Variants in SH3BGRL observed in about 807,000 individuals in gnomAD.
The protein encoded by SH3BGRL is adapter SH3BGRL.
SH3BGRL carries 7 observed loss-of-function variants against 9.8 expected under a neutral mutation model. That is an observed-to-expected ratio of 0.72 (90% CI 0.41 to 1.35). The LOEUF (loss-of-function observed/expected upper bound fraction) is 1.35, where lower values mean the gene tolerates loss of function less well. Among genes scored for constraint, SH3BGRL ranks in the 40% most tolerant of loss-of-function variants. The probability of loss-of-function intolerance (pLI) is 0.01; values close to 1 mark genes in which losing one functional copy is unlikely to be tolerated. For synonymous variants in SH3BGRL, 36 were observed against 29.1 expected (o/e 1.24, Z -0.76); for missense variants, 73 against 84.4 (o/e 0.86, Z 0.53).
intron 1 of SH3BGRL, among the ~76,000 whole-genome samples, chrX:81,253,291 T>C (rs746057430): frequency 1.6e-4 from 18 of 112,511 alleles, no homozygotes; most frequent in African/African-American, 5.5e-4. Flanking sequence ...TGTATTATCA[T>C]CCCTGGAGAT....
At chrX:81,207,548 T>G (rs2075551156) in intron 1 of SH3BGRL, among the ~76,000 whole-genome samples, 2 of 112,326 alleles carry the variant, frequency 1.8e-5, no homozygotes, top group South Asian at 7.3e-4. Context: ...GCGCAGAATG[T>G]TTTGCTGCTC....
At chrX:81,241,084 G>C (rs2075667335) in intron 1 of SH3BGRL, among the ~76,000 whole-genome samples, 1 of 112,803 alleles carries the variant, frequency 8.9e-6, no homozygotes. Context: ...TCCCGCTCCT[G>C]GTGCCTGCTC....
At chrX:81,297,100 T>C in intron 3 of SH3BGRL, 95 bp from the exon 4 acceptor site, 2 of 676,576 alleles carry the variant, frequency 3.0e-6, no homozygotes, top group Non-Finnish European at 4.5e-6. Flanking sequence ...TTGTTTATTC[T>C]TAGTAGTTGG....
chrX:81,283,574 A>G lies in SH3BGRL; in HGVS notation c.312+5163A>G, dbSNP rs1239478077. ...CAGAATTAAAAACAAAAGTTACATA[A>G]TCAGCTCAATAGATGCAGAAAAAGC... On this transcript the variant is annotated intron_variant, in intron 3 of 3. Coordinates refer to ENST00000373212, the MANE Select transcript of SH3BGRL (RefSeq NM_003022.3). Among the ~76,000 whole-genome samples the G allele has an allele frequency of 2.7e-5, 3 of 112,094 alleles. No individual in the cohort carries two copies. The East Asian group carries it at 8.4e-4, about 31-fold the overall frequency.
At chrX:81,296,241 C>G (rs992218952) in intron 3 of SH3BGRL, among the ~76,000 whole-genome samples, 1 of 110,773 alleles carries the variant, frequency 9.0e-6, no homozygotes, top group African/African-American at 3.3e-5. Flanking sequence ...AAACTGCCCT[C>G]ATGATCAAAT....
rs1288655775 is a variant in SH3BGRL at position 81,276,452 on chromosome X, G to A, written c.46-532G>A. On this transcript the variant is annotated intron_variant, in intron 1 of 3. Coordinates refer to ENST00000373212, the MANE Select transcript of SH3BGRL (RefSeq NM_003022.3). ...ATATTGCAAACTTTATAGTTTGTAG[G>A]ATTAGCTAATATATTCTTGTTCAGT... Among the ~76,000 whole-genome samples, 3 of 110,947 alleles carry A rather than the reference G, an allele frequency of 2.7e-5. No individual in the cohort carries two copies. In the Admixed American group the frequency reaches 2.9e-4, roughly 11 times the overall value.
Position 81,239,908 on chromosome X carries a change from A to G in SH3BGRL, c.46-37076A>G, listed in dbSNP as rs182781490. ...AGGAGAACAACTTTAACCCAAGAAT[A>G]GTACATCTAGCAAAAATATTCTTCA... On this transcript the variant is annotated intron_variant, in intron 1 of 3. Coordinates refer to ENST00000373212, the MANE Select transcript of SH3BGRL (RefSeq NM_003022.3). Among the ~76,000 whole-genome samples the G allele has an allele frequency of 4.5e-3, 503 of 112,466 alleles. 2 individuals carry two copies. The highest frequency in any genetic ancestry group is 8.1e-3 in the Non-Finnish European group (432 of 53,270).
chrX:81,274,004 C>T (rs1384380233), intron 1 of SH3BGRL, among the ~76,000 whole-genome samples: 2 of 111,860 alleles, frequency 1.8e-5, no homozygotes, highest in African/African-American at 6.5e-5. Context: ...GTGTGGTTTA[C>T]TGTTTGAAAA....
intron 3 of SH3BGRL, among the ~76,000 whole-genome samples, chrX:81,281,736 C>T (rs764561696): frequency 1.8e-5 from 2 of 111,753 alleles, no homozygotes; most frequent in African/African-American, 6.5e-5. Context: ...ACCTATAAAA[C>T]AAAAATACAA....
intron 1 of SH3BGRL, among the ~76,000 whole-genome samples, chrX:81,218,737 A>C (rs1416037638): frequency 1.9e-5 from 2 of 104,944 alleles, no homozygotes; most frequent in African/African-American, 3.4e-5. Context: ...ATATCTGTAT[A>C]TATACACATA....
At chrX:81,261,275 GATA>G (rs759952174) in intron 1 of SH3BGRL, among the ~76,000 whole-genome samples, 130 of 111,182 alleles carry the variant, frequency 1.2e-3, no homozygotes, top group Non-Finnish European at 2.2e-3. Context: ...GTAAAATGGA[GATA>G]ATAATATCTA....
intron 1 of SH3BGRL, among the ~76,000 whole-genome samples, chrX:81,243,130 A>T (rs1456379548): frequency 8.9e-6 from 1 of 112,559 alleles, no homozygotes; most frequent in Non-Finnish European, 1.9e-5. Flanking sequence ...ATTTGGAAGC[A>T]ATCTAAGTGT....
chrX:81,288,851 A>T (rs1366446776), intron 3 of SH3BGRL, among the ~76,000 whole-genome samples: 1 of 111,764 alleles, frequency 8.9e-6, no homozygotes, highest in Admixed American at 9.5e-5. Flanking sequence ...TAAAATGTTC[A>T]TACTGTCCAA....
In SH3BGRL at chrX:81,286,829, A is replaced by G. The variant is rs778055507; in HGVS notation, c.312+8418A>G. On this transcript the variant is annotated intron_variant, in intron 3 of 3. Coordinates refer to ENST00000373212, the MANE Select transcript of SH3BGRL (RefSeq NM_003022.3). ...CTCTTAAAGCTCTCTGTTTGATTGG[A>G]TGACTCATTCTACAAATACTGACAA... Among the ~76,000 whole-genome samples, 11 of 111,385 alleles carry G rather than the reference A, an allele frequency of 9.9e-5. No homozygotes were observed. The East Asian group carries it at 2.3e-3, about 23-fold the overall frequency.
chrX:81,236,420 G>A (rs1291528423), intron 1 of SH3BGRL, among the ~76,000 whole-genome samples: 1 of 111,611 alleles, frequency 9.0e-6, no homozygotes, highest in East Asian at 2.8e-4. Context: ...CATGACTTAG[G>A]ACTAGTAAAC....
chrX:81,205,923 C>T (rs2075546392), intron 1 of SH3BGRL, among the ~76,000 whole-genome samples: 1 of 111,203 alleles, frequency 9.0e-6, no homozygotes, highest in African/African-American at 3.3e-5. Flanking sequence ...GAGATGTTAT[C>T]TCATTATAGT....
chrX:81,256,457 C>A (rs2075725785), intron 1 of SH3BGRL, among the ~76,000 whole-genome samples: 1 of 111,837 alleles, frequency 8.9e-6, no homozygotes, highest in African/African-American at 3.2e-5. Context: ...GATATAATTT[C>A]TTACTTTGGT....
At chrX:81,209,299 T>C (rs1489141182) in intron 1 of SH3BGRL, among the ~76,000 whole-genome samples, 1 of 111,591 alleles carries the variant, frequency 9.0e-6, no homozygotes, top group Non-Finnish European at 1.9e-5. Context: ...TGAGCCACCA[T>C]GCTCAGCTGC....
chrX:81,209,002 G>GTTTTTTTTTT (rs11322797), intron 1 of SH3BGRL, among the ~76,000 whole-genome samples: 6 of 54,615 alleles, frequency 1.1e-4, no homozygotes, highest in African/African-American at 3.8e-4. Flanking sequence ...GCATAACTAA[G>GTTTTTTTTTT]TTTTTTTTTT....
Sources: allele counts gnomAD v4.1 joint callset (sites outside exome capture counted in the v4.1 genomes callset), GRCh38; gene constraint gnomAD v4.1.1; transcripts MANE v1.5; gene names NCBI Gene and HGNC (gene_info 2026-07-23, HGNC 2026-07-21).